The following OTUD7B variants were observed in gnomAD, a reference collection of about 807,000 sequenced individuals.
OTUD7B encodes OTU deubiquitinase 7B.
A neutral mutation model predicts 82.2 loss-of-function variants in OTUD7B; 34 were observed. The ratio of observed to expected loss-of-function variants is 0.41; its 90% CI spans 0.31 to 0.55. OTUD7B has a LOEUF of 0.55. Among genes scored for constraint, OTUD7B ranks in the 20% least tolerant of loss-of-function variants. OTUD7B has a pLI of 0.20. For synonymous variants in OTUD7B, 398 were observed against 402.7 expected, an observed-to-expected ratio of 0.99 and a Z score of 0.14; for missense variants, 944 against 1,062.1, an observed-to-expected ratio of 0.89 and a Z score of 1.55.
chr1:150,051,144 G>A, the OTUD7B span, among the ~76,000 whole-genome samples: 1 of 142,340 alleles, frequency 7.0e-6, no homozygotes, highest in Non-Finnish European at 1.5e-5. Flanking sequence ...CAGGAGAATC[G>A]CTTGAACCCA....
rs1285363035 is a variant in OTUD7B at position 149,941,799 on chromosome 1, T to C, written c.*2058A>G. ...TTTAAATACTGCATTTTTTATAGTA[T>C]CTTGATTAATGAGTTTTATAGTAAC... On this transcript the variant is annotated 3_prime_UTR_variant, in exon 12 of 12. Transcript: ENST00000581312. The C allele has an allele frequency of 6.6e-6, 1 of 152,194 alleles. No homozygotes were observed. Among genetic ancestry groups the C allele is most frequent in the African/African-American group, 2.4e-5 (1 of 41,432 alleles). 9.4% of individuals were successfully genotyped at this position (152,194 alleles called of 1,614,324 possible).
At chr1:150,059,781 T>C in the OTUD7B span, among the ~76,000 whole-genome samples, 17 of 152,262 alleles carry the variant, frequency 1.1e-4, no homozygotes, top group Admixed American at 1.0e-3. Flanking sequence ...AGCCTTGCTC[T>C]TCAAAGAGAG....
chr1:150,032,486 A>AAAG, the OTUD7B span, among the ~76,000 whole-genome samples: 2 of 149,252 alleles, frequency 1.3e-5, no homozygotes, highest in Non-Finnish European at 3.0e-5. Flanking sequence ...AAAAAAAAAA[A>AAAG]TAGCCAGGTA....
At chr1:149,957,364 G>A (rs782052361) in intron 7 of OTUD7B, among the ~76,000 whole-genome samples, 1 of 151,640 alleles carries the variant, frequency 6.6e-6, no homozygotes, top group Non-Finnish European at 1.5e-5. Context: ...ATTGCAGAAC[G>A]GCAAATGTTG....
intron 1 of OTUD7B, among the ~76,000 whole-genome samples, chr1:149,992,323 T>C (rs1651624449): frequency 6.6e-6 from 1 of 152,194 alleles, no homozygotes; most frequent in South Asian, 2.1e-4. Context: ...ATTCTTCTAA[T>C]GTTATAACTA....
At chr1:149,994,576 C>T (rs1206197816) in intron 1 of OTUD7B, among the ~76,000 whole-genome samples, 2 of 123,674 alleles carry the variant, frequency 1.6e-5, no homozygotes, top group Non-Finnish European at 3.3e-5. Flanking sequence ...CAGAGCAAGA[C>T]TCCATCTCAA....
chr1:149,968,707 G>A (rs1458611763), intron 3 of OTUD7B, among the ~76,000 whole-genome samples: 1 of 152,024 alleles, frequency 6.6e-6, no homozygotes, highest in Non-Finnish European at 1.5e-5. Flanking sequence ...ATATTTTTTA[G>A]TTTTGTTTGT....
chr1:150,038,786 C>T, the OTUD7B span, among the ~76,000 whole-genome samples: 1 of 152,086 alleles, frequency 6.6e-6, no homozygotes, highest in African/African-American at 2.4e-5. Context: ...CTTAGAAAAG[C>T]TAATCTCAGT....
chr1:149,982,696 A>G (rs1193504398), intron 1 of OTUD7B, among the ~76,000 whole-genome samples: 2 of 152,036 alleles, frequency 1.3e-5, no homozygotes, highest in Non-Finnish European at 1.5e-5. Flanking sequence ...GAATTTCATT[A>G]TCTCTTCTAA....
chr1:149,952,733 GAT>G (rs1338366467), intron 7 of OTUD7B, among the ~76,000 whole-genome samples: 1 of 152,098 alleles, frequency 6.6e-6, no homozygotes, highest in Non-Finnish European at 1.5e-5. Flanking sequence ...CTTTTTTAAT[GAT>G]CACCATTCTA....
At chr1:150,013,221 G>A (rs1224068504), upstream of OTUD7B, among the ~76,000 whole-genome samples, 1 of 152,170 alleles carries the variant, frequency 6.6e-6, no homozygotes, top group African/African-American at 2.4e-5. Flanking sequence ...CCACCCTAGA[G>A]ATCTGTTTTT....
the OTUD7B span, among the ~76,000 whole-genome samples, chr1:150,059,053 C>CT: frequency 9.0e-3 from 1,125 of 125,460 alleles, 7 homozygotes; most frequent in South Asian, 0.016. Flanking sequence ...ACTTTCTTTT[C>CT]TTTTTTTTTT....
In OTUD7B at chr1:149,949,604, G is replaced by C. The variant is rs1051473574; in HGVS notation, c.1123+25C>G. On this transcript the variant is annotated intron_variant, in intron 9 of 11. Transcript: ENST00000581312. ...AATTTTTTCAAGTGAAAATAATGCA[G>C]ACCAAAAGACATGTCATTCAGCACC... The C allele has an allele frequency of 1.9e-6, 3 of 1,606,622 alleles. No homozygotes were observed. The African/African-American group carries it at 4.0e-5, about 22-fold the overall frequency.
At chr1:149,979,110 G>A (rs147729706) in intron 1 of OTUD7B, among the ~76,000 whole-genome samples, 10 of 151,644 alleles carry the variant, frequency 6.6e-5, no homozygotes, top group Admixed American at 5.3e-4. Flanking sequence ...GCAGGGACAC[G>A]ATTTCTTCAT....
the OTUD7B span, among the ~76,000 whole-genome samples, chr1:150,026,021 C>T: frequency 1.3e-5 from 2 of 152,130 alleles, no homozygotes; most frequent in South Asian, 4.1e-4. Context: ...CAAGTGACTA[C>T]CAATATGAAT....
intron 11 of OTUD7B, among the ~76,000 whole-genome samples, chr1:149,946,725 G>A (rs1553772225): frequency 7.5e-6 from 1 of 133,920 alleles, no homozygotes. Context: ...CTGGCTGACA[G>A]AGCAAGACTT....
the OTUD7B span, among the ~76,000 whole-genome samples, chr1:150,035,632 G>C: frequency 5.3e-5 from 8 of 152,288 alleles, no homozygotes; most frequent in African/African-American, 1.7e-4. Flanking sequence ...TGCAATAATA[G>C]TAGGTACTCA....
chr1:149,958,298 A>G (rs781319589), intron 7 of OTUD7B, among the ~76,000 whole-genome samples: 47 of 127,830 alleles, frequency 3.7e-4, no homozygotes, highest in Non-Finnish European at 7.2e-4. Context: ...TTCAGTTTCT[A>G]TCTCTAAAAA....
intron 1 of OTUD7B, among the ~76,000 whole-genome samples, chr1:149,980,955 T>C (rs1458699089): frequency 2.1e-5 from 3 of 145,752 alleles, no homozygotes; most frequent in Non-Finnish European, 1.5e-5. Flanking sequence ...CAAGGCTATA[T>C]AGTGTGCGAC....
Sources: gnomAD v4.1 joint callset for allele counts (sites outside exome capture counted in the v4.1 genomes callset) on GRCh38, gnomAD v4.1.1 for gene constraint, MANE v1.5 for transcripts, NCBI Gene and HGNC (gene_info 2026-07-23, HGNC 2026-07-21) for gene names.